Variants in ENO4 observed in about 807,000 individuals in gnomAD.
ENO4 encodes the protein 2-phospho-D-glycerate hydro-lyase.
ENO4 carries 53 observed loss-of-function variants against 63.2 expected under a neutral mutation model. The observed-to-expected ratio is 0.84, with a 90% CI of 0.67 to 1.05. The LOEUF is 1.05. ENO4 is among the 50% of genes least tolerant of loss of function. The probability of loss-of-function intolerance (pLI) is 0.00; values close to 1 mark genes in which losing one functional copy is unlikely to be tolerated. For synonymous variants in ENO4, 266 were observed against 283.8 expected, an observed-to-expected ratio of 0.94 and a Z score of 0.63; for missense variants, 719 against 772.0, an observed-to-expected ratio of 0.93 and a Z score of 0.81.
intron 7 of ENO4, among the ~76,000 whole-genome samples, chr10:116,867,996 A>G (rs145942588): frequency 2.0e-5 from 3 of 152,204 alleles, no homozygotes; most frequent in Admixed American, 2.0e-4. Context: ...AGTTTACAGA[A>G]TCAGTACACG....
intron 10 of ENO4, among the ~76,000 whole-genome samples, chr10:116,909,894 C>A (rs997474781): frequency 2.0e-5 from 3 of 152,092 alleles, no homozygotes; most frequent in Non-Finnish European, 4.4e-5. Flanking sequence ...TCTTGATAAC[C>A]CCTGGTACCA....
At chr10:116,861,722 T>C (rs969134707) in intron 6 of ENO4, among the ~76,000 whole-genome samples, 2 of 152,140 alleles carry the variant, frequency 1.3e-5, no homozygotes, top group African/African-American at 4.8e-5. Context: ...TAAATCATGA[T>C]GACCAAAGGT....
chr10:116,872,339 T>G (rs906523972), intron 9 of ENO4, among the ~76,000 whole-genome samples: 3 of 152,214 alleles, frequency 2.0e-5, no homozygotes, highest in Non-Finnish European at 4.4e-5. Flanking sequence ...ATGGTTTGGC[T>G]GTGTCCCCAC....
intron 9 of ENO4, 67 bp from the exon 10 acceptor site, chr10:116,874,009 C>T (rs1057251199): frequency 6.2e-6 from 9 of 1,446,344 alleles, no homozygotes; most frequent in Admixed American, 4.2e-5. Context: ...GAATCTGAAC[C>T]GTATCTTTGG....
intron 7 of ENO4, among the ~76,000 whole-genome samples, chr10:116,867,732 C>CA (rs1846585817): frequency 6.6e-6 from 1 of 152,102 alleles, no homozygotes; most frequent in African/African-American, 2.4e-5. Context: ...GTGCTAGGTG[C>CA]AAAAGGGGAG....
At position 116,861,200 on chromosome 10, in the gene ENO4, ATTATC is replaced by A; in HGVS notation, c.936+14_936+18del. The stretch of plus-strand genomic sequence containing the variant: ...ATTAACAACCAAACAAGTACCTTAC[ATTATC>A]TTAAATTACCTTTTCTAAAAAAAAA... On this transcript the variant is annotated intron_variant, in intron 6 of 13. Transcript: ENST00000341276. The A allele has an allele frequency of 8.3e-7, 1 of 1,211,684 alleles. No individual in the cohort carries two copies. Among genetic ancestry groups the A allele is most frequent in the Non-Finnish European group, 1.1e-6 (1 of 940,610 alleles). The allele number at this position is 1,211,684 out of a possible 1,614,324, so 75.1% of individuals were successfully genotyped here.
At chr10:116,886,512 G>A (rs377600413), downstream of ENO4, 19 of 1,614,042 alleles carry the variant, frequency 1.2e-5, no homozygotes, top group Non-Finnish European at 1.4e-5. Context: ...CAACTGGTTC[G>A]GCTTGTTTTT....
At chr10:116,866,959 G>A (rs898676702) in intron 7 of ENO4, among the ~76,000 whole-genome samples, 6 of 152,058 alleles carry the variant, frequency 3.9e-5, no homozygotes, top group African/African-American at 9.7e-5. Flanking sequence ...ACATTACCGC[G>A]ATTCTTCTAT....
At position 116,881,603 on chromosome 10, in the gene ENO4, G is replaced by A. The variant is rs757613639; in HGVS notation, c.1812G>A (p.Pro604=). The change falls in exon 14 of 14, where the codon CCG becomes CCA. Residue 604 remains proline, a synonymous_variant. Transcript: ENST00000341276. ...EALEAAAARE[P]LVPTFPTQGV... ...TTGAGGCTGCTGCGGCTAGGGAGCC[G>A]CTGGTGCCCACCTTCCCCACACAAG... The A allele has an allele frequency of 2.3e-5, 35 of 1,550,168 alleles. No homozygotes were observed. Among genetic ancestry groups the A allele is most frequent in the East Asian group, 2.0e-4 (8 of 40,912 alleles).
chr10:116,879,418 G>C (rs1846934390), intron 12 of ENO4, 60 bp downstream of exon 12: 2 of 1,287,174 alleles, frequency 1.6e-6, no homozygotes, highest in African/African-American at 3.0e-5. Context: ...TGGTATTTCA[G>C]AGAAATGCAG....
At position 116,876,756 on chromosome 10, in the gene ENO4, C is replaced by A. The variant is rs377308705; in HGVS notation, c.1537+496C>A. ...ACGAGGTCAGGAGATCGAGACCATC[C>A]TGGCTAACACGGTGAAACCCCCATC... On this transcript the variant is annotated intron_variant, in intron 11 of 13. Transcript: ENST00000341276. 4.6e-5 allele frequency among the ~76,000 whole-genome samples: 7 copies of A among 152,272 alleles called. No homozygotes were observed. The East Asian group carries it at 9.7e-4, about 21-fold the overall frequency.
chr10:116,853,548 A>C (rs1378999207), intron 1 of ENO4, among the ~76,000 whole-genome samples: 6 of 152,176 alleles, frequency 3.9e-5, no homozygotes, highest in Non-Finnish European at 7.3e-5. Context: ...TATAGTGATA[A>C]AGAAGTCATT....
Position 116,849,700 on chromosome 10 carries a change from AC to A in ENO4, c.136del (p.Leu46SerfsTer26). 6.5e-7 allele frequency: 1 copy of A among 1,540,098 alleles called. No individual in the cohort carries two copies. Among genetic ancestry groups the A allele is most frequent in the Non-Finnish European group, 8.8e-7 (1 of 1,141,726 alleles). ...GAAGAGCTGCTCAACTCCACCTTCTACCTCCAGCCTGCCGACGTCTACGGGC... is the reference window on the plus strand; with the variant it reads ...GAAGAGCTGCTCAACTCCACCTTCTACTCCAGCCTGCCGACGTCTACGGGC... ...RLEELLNSTF[Y>X]LQPADVYGHL... On this transcript the variant is annotated frameshift_variant, in exon 1 of 14. Coordinates refer to ENST00000341276, the MANE Select transcript of ENO4 (RefSeq NM_001242699.2). LOFTEE classifies it high-confidence loss of function.
At chr10:116,875,273 G>T (rs1846796969) in intron 10 of ENO4, among the ~76,000 whole-genome samples, 1 of 152,076 alleles carries the variant, frequency 6.6e-6, no homozygotes, top group Non-Finnish European at 1.5e-5. Flanking sequence ...TTCTACACCA[G>T]CATACACAGA....
At chr10:116,849,800 C>T (rs1846010460) in intron 1 of ENO4, 69 bp downstream of exon 1, 2 of 1,439,026 alleles carry the variant, frequency 1.4e-6, no homozygotes, top group African/African-American at 2.9e-5. Context: ...GCGGCAACGC[C>T]TTGCGCCTGC....
chr10:116,907,866 T>C (rs768981486), intron 10 of ENO4: 21 of 517,554 alleles, frequency 4.1e-5, no homozygotes, highest in Admixed American at 2.7e-4. Context: ...TTTGTAATGT[T>C]TGAACTCACT....
At chr10:116,885,983 T>C, downstream of ENO4, 1 of 222,368 alleles carries the variant, frequency 4.5e-6, no homozygotes, top group Non-Finnish European at 8.9e-6. Context: ...TATCCGATTA[T>C]ATACAAGCAC....
intron 6 of ENO4, among the ~76,000 whole-genome samples, chr10:116,862,409 G>A (rs570423448): frequency 2.0e-5 from 3 of 152,024 alleles, no homozygotes; most frequent in East Asian, 1.9e-4. Context: ...GCAGTAGGCC[G>A]AGATCATTGC....
At chr10:116,875,992 T>C (rs1846822735) in intron 10 of ENO4, 73 bp from the exon 11 acceptor site, 3 of 1,155,180 alleles carry the variant, frequency 2.6e-6, no homozygotes, top group Non-Finnish European at 2.3e-6. Flanking sequence ...CTTGAGTATG[T>C]GCTATATTAT....
Sources: gnomAD v4.1 joint callset for allele counts (sites outside exome capture counted in the v4.1 genomes callset) on GRCh38, gnomAD v4.1.1 for gene constraint, MANE v1.5 for transcripts, NCBI Gene and HGNC (gene_info 2026-07-23, HGNC 2026-07-21) for gene names.